The following ZBTB7C variants were observed in gnomAD, a reference collection of about 807,000 sequenced individuals.
ZBTB7C encodes zinc finger and BTB domain-containing protein 7C.
ZBTB7C carries 8 observed loss-of-function variants against 25.7 expected under a neutral mutation model. The observed-to-expected ratio is 0.31, with a 90% CI of 0.18 to 0.56. The LOEUF (loss-of-function observed/expected upper bound fraction) is 0.56, where lower values mean the gene tolerates loss of function less well. Among genes scored for constraint, ZBTB7C ranks in the 20% least tolerant of loss-of-function variants. ZBTB7C has a pLI of 0.91. For synonymous variants in ZBTB7C, 394 were observed against 369.0 expected (o/e 1.07, Z -0.78); for missense variants, 824 against 855.2 (o/e 0.96, Z 0.46).
intron 2 of ZBTB7C, among the ~76,000 whole-genome samples, chr18:48,274,130 A>G (rs906845582): frequency 5.3e-5 from 8 of 152,160 alleles, no homozygotes; most frequent in Non-Finnish European, 8.8e-5. Context: ...CTAGTTACAC[A>G]AGATTATGTG....
At chr18:48,181,069 A>G (rs929063918) in intron 3 of ZBTB7C, among the ~76,000 whole-genome samples, 1 of 152,220 alleles carries the variant, frequency 6.6e-6, no homozygotes, top group Admixed American at 6.5e-5. Flanking sequence ...GATTATGTTA[A>G]TTAATAAATG....
chr18:48,128,370 G>A (rs1426570771), intron 3 of ZBTB7C, among the ~76,000 whole-genome samples: 2 of 152,352 alleles, frequency 1.3e-5, no homozygotes, highest in Non-Finnish European at 2.9e-5. Context: ...CAGAGTGCCT[G>A]ACTTTGCTTT....
intron 2 of ZBTB7C, among the ~76,000 whole-genome samples, chr18:48,232,576 T>C (rs986932984): frequency 6.6e-6 from 1 of 152,166 alleles, no homozygotes; most frequent in African/African-American, 2.4e-5. Flanking sequence ...TCTGTCCAAA[T>C]TCCTGATCCA....
At chr18:48,322,506 G>A (rs2046120219) in intron 2 of ZBTB7C, among the ~76,000 whole-genome samples, 1 of 152,196 alleles carries the variant, frequency 6.6e-6, no homozygotes, top group South Asian at 2.1e-4. Flanking sequence ...CTCAGCGGGT[G>A]GCCAGTTCAG....
chr18:48,259,849 G>C (rs62086460), intron 2 of ZBTB7C, among the ~76,000 whole-genome samples: 7,790 of 152,198 alleles, frequency 0.051, 273 homozygotes, highest in Non-Finnish European at 0.076. Context: ...AAAATAAGAA[G>C]ACTGCAAATA....
At chr18:48,117,236 T>C (rs1327414722) in intron 3 of ZBTB7C, among the ~76,000 whole-genome samples, 1 of 152,228 alleles carries the variant, frequency 6.6e-6, no homozygotes. Context: ...TATCATTATC[T>C]GAAATTTAGA....
rs973508734 is a variant in ZBTB7C, at chr18:48,064,586, T to C, written c.-16-23463A>G. ...GGCAAAACCCCATTTCTACAAAATA[T>C]ACAAAAATTAGCTGGGCATGGTGGC... On this transcript the variant is annotated intron_variant, in intron 3 of 4. Coordinates refer to ENST00000590800, the MANE Select transcript of ZBTB7C (RefSeq NM_001318841.2). Among the ~76,000 whole-genome samples the C allele has an allele frequency of 3.9e-5, 6 of 152,080 alleles. No homozygotes were observed. In the East Asian group the frequency reaches 7.7e-4, roughly 20 times the overall value.
intron 2 of ZBTB7C, among the ~76,000 whole-genome samples, chr18:48,230,276 C>T (rs1287896550): frequency 1.3e-5 from 2 of 152,190 alleles, no homozygotes; most frequent in African/African-American, 4.8e-5. Context: ...GGGATTCTTG[C>T]TGACTAGTTT....
intron 1 of ZBTB7C, among the ~76,000 whole-genome samples, chr18:48,383,829 A>C (rs138344188): frequency 1.3e-5 from 2 of 151,756 alleles, no homozygotes; most frequent in African/African-American, 4.8e-5. Flanking sequence ...GACTTCCCTC[A>C]GCACACGGCA....
At chr18:48,051,017 C>T (rs1187645157) in intron 3 of ZBTB7C, among the ~76,000 whole-genome samples, 1 of 111,980 alleles carries the variant, frequency 8.9e-6, no homozygotes, top group Non-Finnish European at 1.7e-5. Flanking sequence ...GTGTAAGTGA[C>T]AGAGGTCCCA....
At chr18:48,287,849 T>G (rs770175411) in intron 2 of ZBTB7C, among the ~76,000 whole-genome samples, 1 of 152,182 alleles carries the variant, frequency 6.6e-6, no homozygotes, top group Non-Finnish European at 1.5e-5. Flanking sequence ...AGACACCTGA[T>G]AAAATGTGTA....
intron 2 of ZBTB7C, among the ~76,000 whole-genome samples, chr18:48,231,395 G>T (rs534383582): frequency 6.6e-6 from 1 of 152,270 alleles, no homozygotes; most frequent in South Asian, 2.1e-4. Flanking sequence ...GCAGAGAGGA[G>T]CTACCCACTG....
In ZBTB7C at chr18:48,040,625, CTCCTCT is replaced by C; in HGVS notation, c.477_482del (p.Glu161_Glu162del). 4 of 1,611,222 alleles carry C rather than the reference CTCCTCT, an allele frequency of 2.5e-6. No individual in the cohort carries two copies. Among genetic ancestry groups the C allele is most frequent in the South Asian group, 1.1e-5 (1 of 91,000 alleles). On this transcript the variant is annotated inframe_deletion, in exon 4 of 5. Coordinates refer to ENST00000590800, the MANE Select transcript of ZBTB7C (RefSeq NM_001318841.2). Reference sequence around the variant, plus strand: ...CCTCCGTGTCATCATCGTCATCCTCCTCCTCTTCCTCCTCCTCCTCTTCGTCCTCCT... The same window carrying C: ...CCTCCGTGTCATCATCGTCATCCTCCTCCTCCTCCTCCTCTTCGTCCTCCT...
intron 3 of ZBTB7C, chr18:48,149,805 CTT>C (rs33920353): frequency 0.4 from 45,672 of 114,800 alleles, 8,608 homozygotes; most frequent in East Asian, 0.56. Flanking sequence ...TCTTCTTCTT[CTT>C]TTTTTTTTTT....
intron 1 of ZBTB7C, among the ~76,000 whole-genome samples, chr18:48,394,230 T>G (rs992597418): frequency 6.6e-6 from 1 of 152,202 alleles, no homozygotes; most frequent in Non-Finnish European, 1.5e-5. Flanking sequence ...CCCAGAAATT[T>G]ATTTCTGTCC....
At chr18:48,113,861 A>G (rs1270118262) in intron 3 of ZBTB7C, among the ~76,000 whole-genome samples, 1 of 152,220 alleles carries the variant, frequency 6.6e-6, no homozygotes, top group Admixed American at 6.5e-5. Context: ...ACACTAGTGC[A>G]CAAGGTGGCT....
intron 1 of ZBTB7C, among the ~76,000 whole-genome samples, chr18:48,379,217 A>G (rs139105404): frequency 0.011 from 1,655 of 152,150 alleles, 15 homozygotes; most frequent in Non-Finnish European, 0.018. Context: ...CTATTGACCT[A>G]TTTGTCTATT....
At chr18:48,237,952 T>A (rs981738998) in intron 2 of ZBTB7C, among the ~76,000 whole-genome samples, 2 of 152,232 alleles carry the variant, frequency 1.3e-5, no homozygotes, top group African/African-American at 4.8e-5. Flanking sequence ...TAAATGATTC[T>A]TACAAACACA....
chr18:48,342,458 G>A (rs757594261), intron 1 of ZBTB7C, among the ~76,000 whole-genome samples: 3 of 152,260 alleles, frequency 2.0e-5, no homozygotes, highest in Non-Finnish European at 4.4e-5. Flanking sequence ...GAGGCAGCCA[G>A]CTGAGACGGC....
Sources: gnomAD v4.1 joint callset for allele counts (sites outside exome capture counted in the v4.1 genomes callset) on GRCh38, gnomAD v4.1.1 for gene constraint, MANE v1.5 for transcripts, NCBI Gene and HGNC (gene_info 2026-07-23, HGNC 2026-07-21) for gene names.